The following HMGA2 variants were observed in gnomAD, a reference collection of about 807,000 sequenced individuals.
The protein encoded by HMGA2 is high mobility group protein HMGI-C.
HMGA2 carries 8 observed loss-of-function variants against 19.1 expected under a neutral mutation model. The ratio of observed to expected loss-of-function variants is 0.42; its 90% CI spans 0.25 to 0.76. HMGA2 has a LOEUF of 0.76. HMGA2 is among the 30% of genes least tolerant of loss of function. The pLI, the probability that HMGA2 is intolerant of heterozygous loss-of-function variation, is 0.28. For synonymous variants in HMGA2, 60 were observed against 48.8 expected (o/e 1.23, Z -0.96); for missense variants, 109 against 136.3 (o/e 0.80, Z 1.00).
At chr12:65,914,728 G>A (rs1400230615) in intron 3 of HMGA2, 2 of 342,208 alleles carry the variant, frequency 5.8e-6, no homozygotes, top group Non-Finnish European at 1.1e-5. Flanking sequence ...AGGCTGGAGT[G>A]CAGTGGTACA....
In HMGA2 at chr12:65,947,346, C is replaced by G. The variant is rs1876305026; in HGVS notation, c.250-4037C>G. On this transcript the variant is annotated intron_variant, in intron 3 of 4. Coordinates refer to ENST00000403681, the MANE Select transcript of HMGA2 (RefSeq NM_003483.6). ...CCCAAGCTGGTCTCGAACTCGTGAGCTCAAACAATCCTCTCAAAGTGCTGA... is the reference window on the plus strand; with the variant it reads ...CCCAAGCTGGTCTCGAACTCGTGAGGTCAAACAATCCTCTCAAAGTGCTGA... Among the ~76,000 whole-genome samples, 4 of 152,180 alleles carry G rather than the reference C, an allele frequency of 2.6e-5. No homozygotes were observed. In the South Asian group the frequency reaches 8.3e-4, roughly 32 times the overall value.
chr12:65,864,872 A>G (rs781703732), intron 3 of HMGA2, among the ~76,000 whole-genome samples: 1 of 152,172 alleles, frequency 6.6e-6, no homozygotes, highest in Non-Finnish European at 1.5e-5. Context: ...TGACCCTTGA[A>G]CAATACAGGT....
At chr12:65,943,665 AT>A (rs1287875574) in intron 3 of HMGA2, among the ~76,000 whole-genome samples, 2 of 152,170 alleles carry the variant, frequency 1.3e-5, no homozygotes, top group Non-Finnish European at 2.9e-5. Flanking sequence ...AATTCCAGAG[AT>A]TTTGCCAAAA....
chr12:65,869,037 A>G (rs1200915191), intron 3 of HMGA2, among the ~76,000 whole-genome samples: 1 of 152,194 alleles, frequency 6.6e-6, no homozygotes, highest in Non-Finnish European at 1.5e-5. Flanking sequence ...GTAAGCCGCT[A>G]CACTTTCTTG....
chr12:65,842,856 G>T lies in HMGA2; in HGVS notation c.249+4287G>T, dbSNP rs1871061572. The T allele has an allele frequency of 9.9e-6, 13 of 1,313,642 alleles. 1 individual carries two copies. The South Asian group carries it at 3.3e-4, about 33-fold the overall frequency. 81.4% of individuals were successfully genotyped at this position (1,313,642 alleles called of 1,614,324 possible). On this transcript the variant is annotated intron_variant, in intron 3 of 4. Coordinates refer to ENST00000403681, the MANE Select transcript of HMGA2 (RefSeq NM_003483.6). ...AGTTTAGTGATGGAAAGTATTTGGA[G>T]AAAGTTTTAGAGAGTGGGGCTCAGG...
At chr12:65,906,602 C>T (rs973124281) in intron 3 of HMGA2, among the ~76,000 whole-genome samples, 6 of 151,968 alleles carry the variant, frequency 3.9e-5, no homozygotes, top group South Asian at 2.1e-4. Flanking sequence ...ATTTAGAATC[C>T]GGGTGGTGAG....
intron 3 of HMGA2, among the ~76,000 whole-genome samples, chr12:65,913,710 C>T (rs1021095316): frequency 6.6e-6 from 1 of 152,122 alleles, no homozygotes; most frequent in Non-Finnish European, 1.5e-5. Context: ...CTGTTTGACC[C>T]CACTCAGAGC....
intron 3 of HMGA2, chr12:65,867,577 C>T (rs754711543): frequency 2.4e-5 from 10 of 421,100 alleles, no homozygotes; most frequent in Non-Finnish European, 3.9e-5. Context: ...TTGGACTGAG[C>T]ACACATGAAT....
intron 2 of HMGA2, 109 bp downstream of exon 2, chr12:65,828,196 G>T: frequency 2.5e-6 from 2 of 803,374 alleles, no homozygotes; most frequent in South Asian, 1.4e-5. Context: ...TCCCAACTGG[G>T]TAACACAAGA....
At position 65,825,442 on chromosome 12, in the gene HMGA2, C is replaced by A; in HGVS notation, c.111+61C>A. ...CCCGTCCCCACTGCCGGGGCCCAGA[C>A]ACGCGCGGGGCGGCCGGAGTGCGGG... On this transcript the variant is annotated intron_variant, in intron 1 of 4. Transcript: ENST00000403681. The surrounding 1 kb of genome is among the most constrained non-coding windows in gnomAD (Gnocchi z 4.4). The A allele has an allele frequency of 8.0e-7, 1 of 1,248,792 alleles. No homozygotes were observed. The highest frequency in any genetic ancestry group is 1.1e-6 in the Non-Finnish European group (1 of 939,966). The allele number at this position is 1,248,792 out of a possible 1,614,324, so 77.4% of individuals were successfully genotyped here.
chr12:65,925,957 G>A (rs750156868), intron 3 of HMGA2, among the ~76,000 whole-genome samples: 1 of 152,126 alleles, frequency 6.6e-6, no homozygotes, highest in Non-Finnish European at 1.5e-5. Context: ...CTTTGAGAGG[G>A]GGTATATTAT....
chr12:65,917,922 G>C (rs986579733), intron 3 of HMGA2, among the ~76,000 whole-genome samples: 4 of 152,226 alleles, frequency 2.6e-5, no homozygotes, highest in Non-Finnish European at 4.4e-5. Context: ...TGGAGAGAAA[G>C]AAAGCAGGTT....
In HMGA2 at chr12:65,963,322, C is replaced by G; in HGVS notation, c.*30C>G. 1 of 1,599,014 alleles carries G rather than the reference C, an allele frequency of 6.3e-7. No individual in the cohort carries two copies. Among genetic ancestry groups the G allele is most frequent in the Non-Finnish European group, 8.5e-7 (1 of 1,169,880 alleles). On this transcript the variant is annotated 3_prime_UTR_variant, in exon 5 of 5. Coordinates refer to ENST00000403681, the MANE Select transcript of HMGA2 (RefSeq NM_003483.6). ...CGCCAACGTTCGATTTCTACCTCAG[C>G]AGCAGTTGGATCTTTTGAAGGGAGA...
At chr12:65,903,497 A>G (rs1379617614) in intron 3 of HMGA2, among the ~76,000 whole-genome samples, 2 of 152,166 alleles carry the variant, frequency 1.3e-5, no homozygotes, top group South Asian at 2.1e-4. Context: ...AGCCAAAAAG[A>G]CTGTAGTCAC....
chr12:65,878,952 A>T (rs7973574), intron 3 of HMGA2, among the ~76,000 whole-genome samples: 1 of 152,134 alleles, frequency 6.6e-6, no homozygotes. Flanking sequence ...CTAAGCTCCA[A>T]TTTCTTGCTT....
At chr12:65,952,024 C>T (rs1225582717) in intron 4 of HMGA2, 2 of 196,398 alleles carry the variant, frequency 1.0e-5, no homozygotes, top group East Asian at 2.6e-4. Flanking sequence ...AGCACCTTGT[C>T]CTCACTATAA....
At chr12:65,938,008 G>C (rs774597186) in intron 3 of HMGA2, among the ~76,000 whole-genome samples, 64 of 152,294 alleles carry the variant, frequency 4.2e-4, no homozygotes, top group Non-Finnish European at 8.1e-4. Flanking sequence ...ATTTGTTCAT[G>C]GTGGTGATGC....
intron 4 of HMGA2, chr12:65,952,370 G>T (rs1266049968): frequency 1.3e-6 from 2 of 1,534,650 alleles, no homozygotes; most frequent in African/African-American, 1.4e-5. Flanking sequence ...ATGTTGCCTT[G>T]CCTGGGAAGG....
chr12:65,851,554 G>A lies in HMGA2; in HGVS notation c.249+12985G>A, dbSNP rs1592386208. On this transcript the variant is annotated intron_variant, in intron 3 of 4. Transcript: ENST00000403681. ...AAAACCAAGAAATTAGACAGCTGTG[G>A]TGGCGGGCACCTGTAATTCCAGCGA... 3 of 354,238 alleles carry A rather than the reference G, an allele frequency of 8.5e-6. No homozygotes were observed. In the East Asian group the frequency reaches 3.1e-4, roughly 37 times the overall value. The allele number at this position is 354,238 out of a possible 1,614,324, so 21.9% of individuals were successfully genotyped here.
Sources: gnomAD v4.1 joint callset for allele counts (sites outside exome capture counted in the v4.1 genomes callset) on GRCh38, gnomAD v4.1.1 for gene constraint, Gnocchi (gnomAD v3.1) non-coding constraint, MANE v1.5 for transcripts, NCBI Gene and HGNC (gene_info 2026-07-23, HGNC 2026-07-21) for gene names.